The following INTS1 variants were observed in gnomAD, a reference collection of about 807,000 sequenced individuals.
The protein encoded by INTS1 is integrator complex subunit 1.
In INTS1, 137 loss-of-function variants were observed where a neutral mutation model predicts 241.6. That is an observed-to-expected ratio of 0.57 (90% confidence interval 0.49 to 0.65). The LOEUF is 0.65. Ranked by LOEUF, INTS1 falls within the 30% of genes least tolerant of loss-of-function variation. The pLI is 0.00. For synonymous variants in INTS1, 1,692 were observed against 1,337.8 expected (o/e 1.26, Z -5.78); for missense variants, 3,073 against 3,032.2 (o/e 1.01, Z -0.32).
intron 10 of INTS1, among the ~76,000 whole-genome samples, chr7:1,498,091 G>A (rs139876448): frequency 6.6e-6 from 1 of 152,152 alleles, no homozygotes; most frequent in Non-Finnish European, 1.5e-5. Context: ...AGGCAGGAAT[G>A]AGCTTGAAAA....
rs138995965 is a variant in INTS1 at position 1,501,811 on chromosome 7, C to G, written c.349+1090G>C. ...AGGGCTCCCTGATGCCAACTGAGTC[C>G]AGCACAAACACTGCCCACAGCGCCC... On this transcript the variant is annotated intron_variant, in intron 3 of 47. Coordinates refer to ENST00000404767, the MANE Select transcript of INTS1 (RefSeq NM_001080453.3). Among the ~76,000 whole-genome samples the G allele has an allele frequency of 1.5e-3, 222 of 152,288 alleles. 2 individuals are homozygous for G. Among genetic ancestry groups the G allele is most frequent in the African/African-American group, 5.0e-3 (208 of 41,554 alleles).
Position 1,497,129 on chromosome 7 carries a change from G to T in INTS1, c.1602+9C>A. The stretch of plus-strand genomic sequence containing the variant: ...GAGGGAAAGGCGCCCCAGCGGCGAG[G>T]GCTGGCACCTTGAACTCCATCTCCA... On this transcript the variant is annotated intron_variant, in intron 11 of 47. Transcript: ENST00000404767. This position sits in a 1 kb window ranked among gnomAD's most constrained non-coding sequence, Gnocchi z 5.3. 2 of 1,597,086 alleles carry T rather than the reference G, an allele frequency of 1.3e-6. No individual in the cohort carries two copies. The highest frequency in any genetic ancestry group is 1.7e-6 in the Non-Finnish European group (2 of 1,173,418).
Position 1,471,194 on chromosome 7 carries a change from C to T in INTS1, c.6286G>A (p.Glu2096Lys), listed in dbSNP as rs557258850. ...TNLQRLMSSA[E>K]ECCRNLAFSL... ...AAGGCGAGGTTGCGGCAACACTCCT[C>T]GGCCGAGCTCATCAGCCGCTGCAGG... The change falls in exon 46 of 48, where the codon GAG becomes AAG. Residue 2096 changes from glutamate to lysine, a missense_variant. Coordinates refer to ENST00000404767, the MANE Select transcript of INTS1 (RefSeq NM_001080453.3). The T allele has an allele frequency of 2.0e-5, 32 of 1,582,290 alleles. No homozygotes were observed. The highest frequency in any genetic ancestry group is 9.3e-5 in the East Asian group (4 of 43,050).
Position 1,481,408 on chromosome 7 carries a change from G to A in INTS1, c.3784C>T (p.Leu1262Phe), listed in dbSNP as rs1378703974. The A allele has an allele frequency of 3.7e-6, 6 of 1,613,036 alleles. No homozygotes were observed. Among genetic ancestry groups the A allele is most frequent in the Admixed American group, 3.3e-5 (2 of 60,020 alleles). The change falls in exon 28 of 48, where the codon CTC becomes TTC. Residue 1262 changes from leucine (L) to phenylalanine (F), a missense_variant. Physicochemically the swap from Leu to Phe is conservative, Grantham distance 22 (BLOSUM62 0). Coordinates refer to ENST00000404767, the MANE Select transcript of INTS1 (RefSeq NM_001080453.3). This position sits in a 1 kb window ranked among gnomAD's most constrained non-coding sequence, Gnocchi z 6.8. ...GCCACTGCCTGGTCCAGGAACTGGA[G>A]GAGTTTGCTCATGCTGGACACGGGG... is the stretch of plus-strand genomic sequence containing the variant. ...GIPVSSMSKL[L>F]QFLDQAVAHD...
chr7:1,484,806 C>T (rs911239953), intron 24 of INTS1, among the ~76,000 whole-genome samples: 1 of 152,164 alleles, frequency 6.6e-6, no homozygotes, highest in Admixed American at 6.5e-5. Context: ...CAGGTGGCCA[C>T]GGGGTCATAG....
At chr7:1,495,407 G>A (rs371924305) in intron 13 of INTS1, 26 bp downstream of exon 13, 11 of 1,596,166 alleles carry the variant, frequency 6.9e-6, no homozygotes, top group Non-Finnish European at 9.4e-6. Flanking sequence ...GTGTGGGACA[G>A]GGGCTGTACA....
At position 1,500,004 on chromosome 7, in the gene INTS1, C is replaced by G. The variant is rs376532612; in HGVS notation, c.564G>C (p.Leu188=). The G allele has an allele frequency of 2.5e-6, 4 of 1,613,348 alleles. No homozygotes were observed. The highest frequency in any genetic ancestry group is 3.4e-6 in the Non-Finnish European group (4 of 1,179,848). Residue 188 remains leucine (L), a synonymous_variant, in exon 5 of 48, where the codon CTG becomes CTC. Coordinates refer to ENST00000404767, the MANE Select transcript of INTS1 (RefSeq NM_001080453.3). ...TGAAGTTGATGGAGGCGTCCCGCCG[C>G]AGGAGGCTACACAGAGCCTGCCAGG... ...EGVIEALCSL[L]RRDASINFKA...
At chr7:1,477,722 C>A (rs1181566455) in intron 34 of INTS1, 31 bp downstream of exon 34, 4 of 1,607,500 alleles carry the variant, frequency 2.5e-6, no homozygotes, top group Non-Finnish European at 8.5e-7. Flanking sequence ...CCCGCCTGCC[C>A]ACCCTGGCCG....
At position 1,489,478 on chromosome 7, in the gene INTS1, T is replaced by A. The variant is rs1249661396; in HGVS notation, c.2258-74A>T. On this transcript the variant is annotated intron_variant, in intron 17 of 47. Coordinates refer to ENST00000404767, the MANE Select transcript of INTS1 (RefSeq NM_001080453.3). ...GCGTGTGACCCCCGCTTCTCCCAGCTCCTCCTCTCATCCCCAGCTGGGCTC... is the reference window on the plus strand; with the variant it reads ...GCGTGTGACCCCCGCTTCTCCCAGCACCTCCTCTCATCCCCAGCTGGGCTC... 3.9e-6 allele frequency: 6 copies of A among 1,552,696 alleles called. No homozygotes were observed. In the African/African-American group the frequency reaches 5.5e-5, roughly 14 times the overall value.
Position 1,500,378 on chromosome 7 carries a change from A to AGGC in INTS1, c.350-15_350-13dup. 6.4e-7 allele frequency: 1 copy of AGGC among 1,551,628 alleles called. No homozygotes were observed. Among genetic ancestry groups the AGGC allele is most frequent in the South Asian group, 1.2e-5 (1 of 85,942 alleles). ...CACCGTGGGCAGCACTGGCCGGGGC[A>AGGC]GGCGGTACGGTCAGAACGGGGCCAG... On this transcript the variant is annotated splice_polypyrimidine_tract_variant and intron_variant, in intron 3 of 47. Coordinates refer to ENST00000404767, the MANE Select transcript of INTS1 (RefSeq NM_001080453.3).
chr7:1,477,743 C>G lies in INTS1; in HGVS notation c.4814+10G>C. ...TGCCCACCCTGGCCGTGTGCAGCAC[C>G]CCAGCTCACCTGCCACCGTCCGCAC... On this transcript the variant is annotated intron_variant, in intron 34 of 47. Transcript: ENST00000404767. The G allele has an allele frequency of 6.2e-7, 1 of 1,611,616 alleles. No homozygotes were observed. The highest frequency in any genetic ancestry group is 8.5e-7 in the Non-Finnish European group (1 of 1,179,490).
In INTS1 at chr7:1,498,422, A is replaced by G. The variant is rs1782967702; in HGVS notation, c.1415T>C (p.Leu472Pro). 6.2e-7 allele frequency: 1 copy of G among 1,613,792 alleles called. No homozygotes were observed. Among genetic ancestry groups the G allele is most frequent in the East Asian group, 2.2e-5 (1 of 44,886 alleles). Residue 472 changes from leucine (L) to proline (P), a missense_variant, in exon 10 of 48, where the codon CTG (leucine) becomes CCG (proline). Leu to Pro is a moderately conservative substitution (Grantham distance 98). Transcript: ENST00000404767. ...GGACCCTGGGCCTACCTTGGGCGCC[A>G]GCTCTGAGCTGTGCTGCAGTGCGGT... ...LYTALQHSSE[L>P]APKFLAMVFQ...
rs762829567 is a variant in INTS1 at position 1,489,702 on chromosome 7, C to T, written c.2166-20G>A. 2.5e-5 allele frequency: 36 copies of T among 1,468,992 alleles called. No individual in the cohort carries two copies. In the East Asian group the frequency reaches 5.6e-4, roughly 23 times the overall value. 91.0% of individuals were successfully genotyped at this position (1,468,992 alleles called of 1,614,324 possible). On this transcript the variant is annotated intron_variant, in intron 16 of 47. Coordinates refer to ENST00000404767, the MANE Select transcript of INTS1 (RefSeq NM_001080453.3). ...TGGTACCTGGAAGGCAGGGGCGCCCCGACTCAGGCCCAGCGCACCAAGCTC... is the reference window on the plus strand; with the variant it reads ...TGGTACCTGGAAGGCAGGGGCGCCCTGACTCAGGCCCAGCGCACCAAGCTC...
Position 1,496,229 on chromosome 7 carries a change from G to A in INTS1, c.1638C>T (p.Ala546=), listed in dbSNP as rs202054398. The change falls in exon 12 of 48, where the codon GCC becomes GCT. Residue 546 remains alanine (A), a synonymous_variant. Transcript: ENST00000404767. The part of the protein sequence containing the change: ...RFVVHITDVL[A]VSMMLGITAQ... ...CTGTGATGCCCAGCATCATGGACAC[G>A]GCCAGGACGTCGGTGATGTGCACCA... The A allele has an allele frequency of 5.8e-5, 94 of 1,613,818 alleles. No homozygotes were observed. The African/African-American group carries it at 6.9e-4, about 12-fold the overall frequency.
intron 10 of INTS1, 168 bp downstream of exon 10, chr7:1,498,244 C>T (rs549331864): frequency 5.9e-5 from 60 of 1,015,836 alleles, no homozygotes; most frequent in Admixed American, 4.9e-4. Flanking sequence ...ACTCTAGAAA[C>T]GGCTCAACCT....
At chr7:1,503,351 C>T (rs142156604) in intron 2 of INTS1, among the ~76,000 whole-genome samples, 160 bp from the exon 3 acceptor site, 8 of 152,192 alleles carry the variant, frequency 5.3e-5, no homozygotes, top group Non-Finnish European at 1.0e-4. Context: ...GAGCTGGGAC[C>T]AGCAGGATAC....
At chr7:1,501,321 A>G (rs1390661133) in intron 3 of INTS1, 2 of 151,998 alleles carry the variant, frequency 1.3e-5, no homozygotes, top group Non-Finnish European at 2.9e-5. Context: ...AATAAATAAT[A>G]AGTAAATACA....
intron 40 of INTS1, 147 bp from the exon 41 acceptor site, chr7:1,474,507 C>T (rs1781622081): frequency 2.2e-5 from 25 of 1,147,046 alleles, no homozygotes; most frequent in Non-Finnish European, 2.7e-5. Flanking sequence ...GGGATGAGAT[C>T]GCCCCTCTCT....
chr7:1,494,727 C>G, intron 14 of INTS1, 89 bp downstream of exon 14: 2 of 1,308,750 alleles, frequency 1.5e-6, no homozygotes, highest in Non-Finnish European at 2.1e-6. Context: ...CCGCCCAACT[C>G]CCACTGGCCC....
Sources: gnomAD v4.1 joint callset for allele counts (sites outside exome capture counted in the v4.1 genomes callset) on GRCh38, gnomAD v4.1.1 for gene constraint, Gnocchi (gnomAD v3.1) non-coding constraint, MANE v1.5 for transcripts, NCBI Gene and HGNC (gene_info 2026-07-23, HGNC 2026-07-21) for gene names.